Variants in ARHGEF6 observed in about 807,000 individuals in gnomAD.
ARHGEF6 encodes the protein rho guanine nucleotide exchange factor 6.
Under a neutral mutation model 70.3 loss-of-function variants are expected in ARHGEF6, and 9 were observed. The observed-to-expected ratio is 0.13, with a 90% CI of 0.08 to 0.22. The LOEUF (loss-of-function observed/expected upper bound fraction) is 0.22. Ranked by LOEUF, ARHGEF6 falls within the 10% of genes least tolerant of loss-of-function variation. The pLI is 1.00. For missense variants in ARHGEF6, 470 were observed against 563.0 expected (o/e 0.83, Z 1.67); for synonymous variants, 201 against 207.8 (o/e 0.97, Z 0.28).
chrX:136,684,493 C>T (rs928792047), intron 12 of ARHGEF6, among the ~76,000 whole-genome samples: 1 of 111,502 alleles, frequency 9.0e-6, no homozygotes, highest in Non-Finnish European at 1.9e-5. Flanking sequence ...AACCAGGTGC[C>T]ATAATCAACC....
intron 6 of ARHGEF6, among the ~76,000 whole-genome samples, chrX:136,716,978 G>A (rs1008245327): frequency 9.0e-6 from 1 of 111,278 alleles, no homozygotes; most frequent in Admixed American, 9.6e-5. Context: ...AGAACTGTGG[G>A]ACAACTACAA....
At chrX:136,676,510 C>A (rs780228205) in intron 18 of ARHGEF6, 114 bp downstream of exon 18, 9 of 567,241 alleles carry the variant, frequency 1.6e-5, no homozygotes, top group Admixed American at 1.2e-4. Context: ...ATGTAAAAGA[C>A]GATGTCAAGA....
chrX:136,715,142 C>T (rs1439177528), intron 6 of ARHGEF6, among the ~76,000 whole-genome samples: 2 of 111,109 alleles, frequency 1.8e-5, no homozygotes, highest in Non-Finnish European at 3.8e-5. Flanking sequence ...CTTTCAGTTC[C>T]TCTATTCCTC....
At chrX:136,747,041 T>C (rs961851342) in intron 3 of ARHGEF6, among the ~76,000 whole-genome samples, 4 of 111,565 alleles carry the variant, frequency 3.6e-5, no homozygotes, top group African/African-American at 1.3e-4. Flanking sequence ...ATAAAAGATA[T>C]TATTTTCACT....
At chrX:136,669,666 T>C (rs2076202350) in intron 20 of ARHGEF6, 130 bp from the exon 21 acceptor site, 1 of 540,268 alleles carries the variant, frequency 1.9e-6, no homozygotes, top group Non-Finnish European at 3.2e-6. Context: ...TGATTGGGAA[T>C]GGTACTGCTC....
At position 136,668,027 on chromosome X, in the gene ARHGEF6, G is replaced by A; in HGVS notation, c.*2C>T. On this transcript the variant is annotated 3_prime_UTR_variant, in exon 22 of 22. Coordinates refer to ENST00000250617, the MANE Select transcript of ARHGEF6 (RefSeq NM_004840.3). ...ACACTCCACCCAGTGGCACAGTGAT[G>A]GTTATGGAAGAATTGAGGTCTTGCT... 1 of 1,211,773 alleles carries A rather than the reference G, an allele frequency of 8.3e-7. No homozygotes were observed. Among genetic ancestry groups the A allele is most frequent in the African/African-American group, 1.7e-5 (1 of 57,833 alleles).
At chrX:136,686,597 T>TATATATATATATATATATATATATACAC (rs1556213877) in intron 11 of ARHGEF6, among the ~76,000 whole-genome samples, 1,102 of 62,367 alleles carry the variant, frequency 0.018, 25 homozygotes, top group Non-Finnish European at 0.025. Context: ...TGTGTGTGTA[T>TATATATATATATATATATATATATACAC]ATATATATAT....
intron 5 of ARHGEF6, among the ~76,000 whole-genome samples, chrX:136,737,687 TA>T (rs745975738): frequency 0.027 from 2,434 of 91,659 alleles, 78 homozygotes; most frequent in African/African-American, 0.081. Context: ...GATCCCGTGT[TA>T]AAAAAAAAAA....
intron 6 of ARHGEF6, among the ~76,000 whole-genome samples, chrX:136,725,836 A>G (rs763312415): frequency 8.9e-6 from 1 of 112,105 alleles, no homozygotes; most frequent in Admixed American, 9.5e-5. Flanking sequence ...ATAGACAGTG[A>G]GAAACCACAG....
chrX:136,676,912 A>T, intron 17 of ARHGEF6, 195 bp from the exon 18 acceptor site: 1 of 417,768 alleles, frequency 2.4e-6, no homozygotes, highest in Non-Finnish European at 4.3e-6. Context: ...AGGCAATGAC[A>T]TTATCCTCTC....
chrX:136,686,603 TATATATATATATATATATACAC>T lies in ARHGEF6; in HGVS notation c.1246-802_1246-781del, dbSNP rs1306813641. Among the ~76,000 whole-genome samples the T allele has an allele frequency of 4.4e-3, 337 of 76,233 alleles. 1 individual carries two copies. The highest frequency in any genetic ancestry group is 0.021 in the African/African-American group (323 of 15,695). The allele number at this position is 76,233 out of a possible 115,157, so 66.2% of individuals were successfully genotyped here. On this transcript the variant is annotated intron_variant, in intron 11 of 21. Transcript: ENST00000250617. ...GTGTGTGTATGTGTGTGTATATATA[TATATATATATATATATATACAC>T]ATATATATATATATATACACACATA...
At chrX:136,701,435 C>T (rs2148607922) in intron 9 of ARHGEF6, among the ~76,000 whole-genome samples, 1 of 111,636 alleles carries the variant, frequency 9.0e-6, no homozygotes, top group African/African-American at 3.3e-5. Context: ...TCAGACTTCT[C>T]ATTATAAACC....
At chrX:136,770,479 G>A (rs1352407879) in intron 2 of ARHGEF6, among the ~76,000 whole-genome samples, 1 of 112,119 alleles carries the variant, frequency 8.9e-6, no homozygotes, top group Non-Finnish European at 1.9e-5. Context: ...GTGAAAGACT[G>A]TCTGCTCTCA....
chrX:136,708,986 T>G (rs775085229), intron 7 of ARHGEF6, among the ~76,000 whole-genome samples: 1 of 112,215 alleles, frequency 8.9e-6, no homozygotes, highest in South Asian at 3.7e-4. Context: ...GGAGTGGTCG[T>G]AAGGGACAAT....
At chrX:136,767,414 G>C in intron 2 of ARHGEF6, 2 of 754,937 alleles carry the variant, frequency 2.6e-6, no homozygotes, top group Non-Finnish European at 3.1e-6. Flanking sequence ...CGGGCGAGGA[G>C]GGGGCGCCCG....
In ARHGEF6 at chrX:136,665,560, G is replaced by A. The variant is rs189644416; in HGVS notation, c.*2469C>T. 5 of 112,435 alleles carry A rather than the reference G, an allele frequency of 4.4e-5. No individual in the cohort carries two copies. The highest frequency in any genetic ancestry group is 3.8e-4 in the Admixed American group (4 of 10,623). The allele number at this position is 112,435 out of a possible 1,213,427, so 9.3% of individuals were successfully genotyped here. A position where few individuals can be genotyped will look rare whatever the true frequency, so the allele number is the denominator to read the frequency against. The stretch of plus-strand genomic sequence containing the variant: ...GAAGCAAAAGACTTATTTTTATAAA[G>A]CACTGTTTATTTTTATGTATTGAAA... On this transcript the variant is annotated 3_prime_UTR_variant, in exon 22 of 22. Coordinates refer to ENST00000250617, the MANE Select transcript of ARHGEF6 (RefSeq NM_004840.3).
chrX:136,767,724 C>T lies in ARHGEF6; in HGVS notation c.249+11690G>A, dbSNP rs755839028. 7 of 753,507 alleles carry T rather than the reference C, an allele frequency of 9.3e-6. No homozygotes were observed. In the African/African-American group the frequency reaches 1.4e-4, roughly 15 times the overall value. 62.1% of individuals were successfully genotyped at this position (753,507 alleles called of 1,213,427 possible). On this transcript the variant is annotated intron_variant, in intron 2 of 21. Coordinates refer to ENST00000250617, the MANE Select transcript of ARHGEF6 (RefSeq NM_004840.3). ...GCGCCGGTCCCCTCCTGCCCGCAGC[C>T]GGAGCCGAGCAGCGGAGGGAAAGCG...
At chrX:136,724,799 C>T (rs2076836996) in intron 6 of ARHGEF6, among the ~76,000 whole-genome samples, 1 of 111,827 alleles carries the variant, frequency 8.9e-6, no homozygotes, top group African/African-American at 3.2e-5. Context: ...TGTCACCCTC[C>T]CTTAAAGCAC....
rs756082979 is a variant in ARHGEF6, at chrX:136,702,996, A to G, written c.1046+3912T>C. ...CCATAAAACACAACTTCAATTTATAAGAATAGAAATCAACAAATGGTGCTG... is the reference window on the plus strand; with the variant it reads ...CCATAAAACACAACTTCAATTTATAGGAATAGAAATCAACAAATGGTGCTG... On this transcript the variant is annotated intron_variant, in intron 9 of 21. Coordinates refer to ENST00000250617, the MANE Select transcript of ARHGEF6 (RefSeq NM_004840.3). Among the ~76,000 whole-genome samples the G allele has an allele frequency of 1.5e-3, 170 of 112,309 alleles. 1 individual carries two copies. Among genetic ancestry groups the G allele is most frequent in the Middle Eastern group, 9.2e-3 (2 of 217 alleles).
Sources: gnomAD v4.1 joint callset for allele counts (sites outside exome capture counted in the v4.1 genomes callset) on GRCh38, gnomAD v4.1.1 for gene constraint, MANE v1.5 for transcripts, NCBI Gene and HGNC (gene_info 2026-07-23, HGNC 2026-07-21) for gene names.